The following RBBP8 variants were observed in gnomAD, a reference collection of about 807,000 sequenced individuals.
The protein encoded by RBBP8 is DNA endonuclease RBBP8.
RBBP8 carries 88 observed loss-of-function variants against 108.3 expected under a neutral mutation model. That is an observed-to-expected ratio of 0.81 (90% CI 0.68 to 0.97). The LOEUF is 0.97. Among genes scored for constraint, RBBP8 ranks in the 50% least tolerant of loss-of-function variants. The pLI is 0.00. For synonymous variants in RBBP8, 332 were observed against 348.2 expected, an observed-to-expected ratio of 0.95 and a Z score of 0.52; for missense variants, 1,023 against 1,049.0, an observed-to-expected ratio of 0.98 and a Z score of 0.34.
At position 22,989,201 on chromosome 18, in the gene RBBP8, G is replaced by T; in HGVS notation, c.710-20G>T. On this transcript the variant is annotated intron_variant, in intron 8 of 18. Transcript: ENST00000327155. Reference sequence around the variant, plus strand: ...AATTGGTTTTATTATTTATTAAAATGGTTTATTATTTATTCTTAGAAGCAC... The same window carrying T: ...AATTGGTTTTATTATTTATTAAAATTGTTTATTATTTATTCTTAGAAGCAC... 2 of 1,527,884 alleles carry T rather than the reference G, an allele frequency of 1.3e-6. No homozygotes were observed. The highest frequency in any genetic ancestry group is 2.3e-5 in the South Asian group (2 of 88,592). The allele number at this position is 1,527,884 out of a possible 1,614,324, so 94.6% of individuals were successfully genotyped here.
At chr18:22,933,045 A>C (rs774026255), upstream of RBBP8, among the ~76,000 whole-genome samples, 3 of 152,210 alleles carry the variant, frequency 2.0e-5, no homozygotes, top group Non-Finnish European at 2.9e-5. Flanking sequence ...TTCCCTGCAA[A>C]ATGCTTAAGC....
intron 8 of RBBP8, 118 bp from the exon 9 acceptor site, chr18:22,989,103 C>G (rs547987869): frequency 1.5e-6 from 1 of 685,264 alleles, no homozygotes; most frequent in African/African-American, 1.8e-5. Flanking sequence ...GTGTCTAGTG[C>G]CATCTTATGA....
intron 1 of RBBP8, chr18:22,933,900 CTGG>C (rs1910264441): frequency 2.6e-5 from 4 of 152,340 alleles, no homozygotes; most frequent in African/African-American, 7.2e-5. Context: ...GCGCGGGCAC[CTGG>C]GGAGAAATGG....
At chr18:23,008,118 A>G (rs1348047159) in intron 16 of RBBP8, among the ~76,000 whole-genome samples, 2 of 152,164 alleles carry the variant, frequency 1.3e-5, no homozygotes, top group Non-Finnish European at 2.9e-5. Context: ...GGCGCTAAGC[A>G]TCTTGATTTA....
At position 23,016,732 on chromosome 18, in the gene RBBP8, C is replaced by T. The variant is rs188373603; in HGVS notation, c.2358-96C>T. 7 of 956,712 alleles carry T rather than the reference C, an allele frequency of 7.3e-6. No homozygotes were observed. In the Admixed American group the frequency reaches 1.3e-4, roughly 18 times the overall value. The allele number at this position is 956,712 out of a possible 1,614,324, so 59.3% of individuals were successfully genotyped here. On this transcript the variant is annotated intron_variant, in intron 16 of 18. Transcript: ENST00000327155. ...GACGAAGCAATATTTTTCTAACATACTGAATAAACATTTCAAATAAAAATG... is the reference window on the plus strand; with the variant it reads ...GACGAAGCAATATTTTTCTAACATATTGAATAAACATTTCAAATAAAAATG...
chr18:23,022,754 T>G (rs918942792), intron 18 of RBBP8, among the ~76,000 whole-genome samples: 1 of 151,670 alleles, frequency 6.6e-6, no homozygotes, highest in Non-Finnish European at 1.5e-5. Context: ...GTGCTAGTTT[T>G]GTGACATAAA....
chr18:22,996,491 T>A (rs762518689), intron 13 of RBBP8, 29 bp downstream of exon 13: 1 of 1,610,014 alleles, frequency 6.2e-7, no homozygotes, highest in Non-Finnish European at 8.5e-7. Flanking sequence ...CCAAAACTCA[T>A]TTGACTTTTA....
chr18:22,964,136 T>C (rs1013046660), intron 4 of RBBP8, among the ~76,000 whole-genome samples: 3 of 152,144 alleles, frequency 2.0e-5, no homozygotes, highest in African/African-American at 7.2e-5. Flanking sequence ...AACAGTGCTG[T>C]TAGTCTTTGT....
chr18:22,984,510 A>G (rs1387425037), intron 7 of RBBP8, among the ~76,000 whole-genome samples: 1 of 152,146 alleles, frequency 6.6e-6, no homozygotes, highest in Non-Finnish European at 1.5e-5. Context: ...TCAGCCTCCC[A>G]AGGTGCTCAG....
intron 2 of RBBP8, among the ~76,000 whole-genome samples, chr18:22,944,521 A>G (rs2144450494): frequency 6.6e-6 from 1 of 152,334 alleles, no homozygotes; most frequent in East Asian, 1.9e-4. Flanking sequence ...TGGATGCACC[A>G]CAGGTTTTGG....
At chr18:22,914,739 G>C (rs1297226517) in intron 1 of RBBP8, among the ~76,000 whole-genome samples, 1 of 152,160 alleles carries the variant, frequency 6.6e-6, no homozygotes, top group South Asian at 2.1e-4. Context: ...GCATTGGCCG[G>C]CTGGTGATCC....
intron 16 of RBBP8, among the ~76,000 whole-genome samples, chr18:23,014,125 A>G (rs1240020318): frequency 6.6e-6 from 1 of 151,714 alleles, no homozygotes; most frequent in African/African-American, 2.4e-5. Context: ...CAGCCTCCCA[A>G]GTAGCTGGGA....
Position 22,984,867 on chromosome 18 carries a change from T to A in RBBP8, c.605-19T>A, listed in dbSNP as rs950460296. The A allele has an allele frequency of 1.9e-5, 26 of 1,404,786 alleles. No individual in the cohort carries two copies. Among genetic ancestry groups the A allele is most frequent in the Non-Finnish European group, 2.5e-5 (25 of 993,482 alleles). 87.0% of individuals were successfully genotyped at this position (1,404,786 alleles called of 1,614,324 possible). A position where few individuals can be genotyped will look rare whatever the true frequency, so the allele number is the denominator to read the frequency against. ...CATCATTGTTTATTGTGTAATCTCT[T>A]ATTTTTTTCTCCCCTTAGAAATGAG... On this transcript the variant is annotated intron_variant, in intron 7 of 18. Transcript: ENST00000327155.
At position 22,989,257 on chromosome 18, in the gene RBBP8, C is replaced by T; in HGVS notation, c.746C>T (p.Ser249Leu). 1 of 1,610,728 alleles carries T rather than the reference C, an allele frequency of 6.2e-7. No homozygotes were observed. Among genetic ancestry groups the T allele is most frequent in the Non-Finnish European group, 8.5e-7 (1 of 1,177,362 alleles). The change falls in exon 9 of 19, where the codon TCA becomes TTA. Residue 249 changes from serine to leucine, a missense_variant. Coordinates refer to ENST00000327155, the MANE Select transcript of RBBP8 (RefSeq NM_002894.3). ...ACAAGCAGCTATACCCCTGATAAGT[C>T]ATCTTTTAATTTAGCTACAGTTGTT... ...HGTSSYTPDK[S>L]SFNLATVVAE...
Position 23,017,833 on chromosome 18 carries a change from A to G in RBBP8, c.2454+909A>G, listed in dbSNP as rs189927400. On this transcript the variant is annotated intron_variant, in intron 17 of 18. Coordinates refer to ENST00000327155, the MANE Select transcript of RBBP8 (RefSeq NM_002894.3). ...GTGATCTTGGCTCACTGCAATCTCC[A>G]CCTCCCAGGTTCAAGCAATTTTCCT... 1.3e-3 allele frequency among the ~76,000 whole-genome samples: 167 copies of G among 125,364 alleles called. 3 individuals carry two copies. The East Asian group carries it at 0.036, about 27-fold the overall frequency. The allele number at this position is 125,364 out of a possible 152,430, so 82.2% of individuals were successfully genotyped here.
At chr18:22,971,080 T>G (rs769885151) in intron 5 of RBBP8, among the ~76,000 whole-genome samples, 23 of 151,938 alleles carry the variant, frequency 1.5e-4, no homozygotes, top group Non-Finnish European at 3.2e-4. Context: ...TCAGGCCTCG[T>G]AACTGCATTC....
intron 4 of RBBP8, among the ~76,000 whole-genome samples, chr18:22,960,229 A>G (rs1469402158): frequency 6.6e-6 from 1 of 152,146 alleles, no homozygotes; most frequent in Non-Finnish European, 1.5e-5. Flanking sequence ...CTTTATTGAG[A>G]TAAAATTCTC....
chr18:22,937,577 C>T (rs1178079769), intron 2 of RBBP8, among the ~76,000 whole-genome samples: 1 of 151,352 alleles, frequency 6.6e-6, no homozygotes, highest in Non-Finnish European at 1.5e-5. Context: ...GCAGCTTCAA[C>T]CTCCCATTCT....
intron 4 of RBBP8, among the ~76,000 whole-genome samples, chr18:22,961,169 C>T (rs964655334): frequency 6.6e-6 from 1 of 152,078 alleles, no homozygotes; most frequent in Non-Finnish European, 1.5e-5. Context: ...TAAGGAAAAG[C>T]GAATGACAAA....
Sources: allele counts gnomAD v4.1 joint callset (sites outside exome capture counted in the v4.1 genomes callset), GRCh38; gene constraint gnomAD v4.1.1; transcripts MANE v1.5; gene names NCBI Gene and HGNC (gene_info 2026-07-23, HGNC 2026-07-21).